The following ST6GALNAC5 variants were observed in gnomAD, a reference collection of about 807,000 sequenced individuals.
ST6GALNAC5 encodes the protein ST6 N-acetylgalactosaminide alpha-2,6-sialyltransferase 5.
ST6GALNAC5 carries 27 observed loss-of-function variants against 33.6 expected under a neutral mutation model. The observed-to-expected ratio is 0.80, with a 90% CI of 0.59 to 1.11. The LOEUF is 1.11. Among genes scored for constraint, ST6GALNAC5 ranks in the 50% least tolerant of loss-of-function variants. The pLI, the probability that ST6GALNAC5 is intolerant of heterozygous loss-of-function variation, is 0.00. For missense variants in ST6GALNAC5, 428 were observed against 454.0 expected (o/e 0.94, Z 0.52); for synonymous variants, 194 against 171.2 (o/e 1.13, Z -1.04).
At chr1:76,930,786 A>G (rs1647132495) in intron 2 of ST6GALNAC5, among the ~76,000 whole-genome samples, 1 of 152,152 alleles carries the variant, frequency 6.6e-6, no homozygotes, top group South Asian at 2.1e-4. Flanking sequence ...CCATGTATTC[A>G]TGTATTCATT....
chr1:76,985,174 G>A (rs1649435579), intron 2 of ST6GALNAC5, among the ~76,000 whole-genome samples: 1 of 152,136 alleles, frequency 6.6e-6, no homozygotes, highest in Non-Finnish European at 1.5e-5. Context: ...AGGCAATCAG[G>A]CAAGAGAAAG....
chr1:77,038,615 T>A (rs575815176), intron 2 of ST6GALNAC5, among the ~76,000 whole-genome samples: 1 of 152,236 alleles, frequency 6.6e-6, no homozygotes, highest in African/African-American at 2.4e-5. Context: ...CTGAGTGTTT[T>A]AGGTGTCAAG....
At chr1:76,986,121 CA>C in intron 2 of ST6GALNAC5, among the ~76,000 whole-genome samples, 1 of 152,174 alleles carries the variant, frequency 6.6e-6, no homozygotes, top group Admixed American at 6.6e-5. Context: ...ACTAAAACAC[CA>C]AAAGTGATGG....
At chr1:77,017,033 A>C (rs920283361) in intron 2 of ST6GALNAC5, among the ~76,000 whole-genome samples, 1 of 151,874 alleles carries the variant, frequency 6.6e-6, no homozygotes, top group Non-Finnish European at 1.5e-5. Context: ...TTGAACCAAA[A>C]GAGAGGGGGC....
At chr1:77,049,419 C>T (rs1652143162) in intron 3 of ST6GALNAC5, among the ~76,000 whole-genome samples, 1 of 152,052 alleles carries the variant, frequency 6.6e-6, no homozygotes, top group South Asian at 2.1e-4. Flanking sequence ...AATTAATATC[C>T]ACAGTAGTGT....
chr1:77,033,793 C>T (rs1241998923), intron 2 of ST6GALNAC5, among the ~76,000 whole-genome samples: 2 of 151,956 alleles, frequency 1.3e-5, no homozygotes, highest in Admixed American at 6.6e-5. Flanking sequence ...TCAGCCAGGC[C>T]GGAGAATAGA....
At chr1:76,996,380 C>G (rs187270545) in intron 2 of ST6GALNAC5, among the ~76,000 whole-genome samples, 1 of 151,648 alleles carries the variant, frequency 6.6e-6, no homozygotes, top group Non-Finnish European at 1.5e-5. Flanking sequence ...ACTTCCAGGA[C>G]GCAAACAAGA....
Position 76,868,784 on chromosome 1 carries a change from G to C in ST6GALNAC5, c.261+42G>C. On this transcript the variant is annotated intron_variant, in intron 2 of 4. Transcript: ENST00000477717. The surrounding 1 kb of genome is among the most constrained non-coding windows in gnomAD (Gnocchi z 4.3). Reference sequence around the variant, plus strand: ...CAGCCCGCTCGCCACTCAGCCTGGGGATCCCGCACACCTGAGCCTTCCCCC... The same window carrying C: ...CAGCCCGCTCGCCACTCAGCCTGGGCATCCCGCACACCTGAGCCTTCCCCC... The C allele has an allele frequency of 6.9e-7, 1 of 1,459,258 alleles. No individual in the cohort carries two copies. Among genetic ancestry groups the C allele is most frequent in the Non-Finnish European group, 9.0e-7 (1 of 1,112,120 alleles). The allele number at this position is 1,459,258 out of a possible 1,614,324, so 90.4% of individuals were successfully genotyped here. A position where few individuals can be genotyped will look rare whatever the true frequency, so the allele number is the denominator to read the frequency against.
chr1:76,980,746 A>G (rs1410016083), intron 2 of ST6GALNAC5, among the ~76,000 whole-genome samples: 1 of 152,224 alleles, frequency 6.6e-6, no homozygotes, highest in Admixed American at 6.5e-5. Flanking sequence ...AGCTAAATGT[A>G]AGAAATAGCA....
intron 2 of ST6GALNAC5, among the ~76,000 whole-genome samples, chr1:77,034,743 G>A (rs1339832973): frequency 6.6e-6 from 1 of 152,218 alleles, no homozygotes; most frequent in Admixed American, 6.5e-5. Flanking sequence ...AGGGCAGCAT[G>A]TCAAACAAGG....
intron 2 of ST6GALNAC5, among the ~76,000 whole-genome samples, chr1:76,989,314 A>C (rs1649630378): frequency 6.6e-6 from 1 of 150,744 alleles, no homozygotes; most frequent in Non-Finnish European, 1.5e-5. Context: ...ACCTTTCCTT[A>C]GTTGTGCAAG....
intron 4 of ST6GALNAC5, among the ~76,000 whole-genome samples, chr1:77,054,791 T>C (rs1007469707): frequency 6.6e-6 from 1 of 152,142 alleles, no homozygotes; most frequent in African/African-American, 2.4e-5. Context: ...CCTGAGTTAC[T>C]TCTAGGAGTC....
intron 2 of ST6GALNAC5, among the ~76,000 whole-genome samples, chr1:77,003,583 G>A (rs202217409): frequency 2.0e-5 from 3 of 151,934 alleles, no homozygotes; most frequent in East Asian, 3.9e-4. Context: ...TTTCTTCCTA[G>A]TCTCGATGGT....
intron 2 of ST6GALNAC5, among the ~76,000 whole-genome samples, chr1:76,884,719 A>C (rs1323069208): frequency 1.3e-5 from 2 of 152,184 alleles, no homozygotes; most frequent in East Asian, 3.9e-4. Flanking sequence ...AAGGCAAGAA[A>C]GGGTGGTTTG....
chr1:76,889,762 G>A (rs1330377901), intron 2 of ST6GALNAC5, among the ~76,000 whole-genome samples: 1 of 152,054 alleles, frequency 6.6e-6, no homozygotes, highest in African/African-American at 2.4e-5. Flanking sequence ...CTATTCAGCT[G>A]TATCTAATCT....
rs181892095 is a variant in ST6GALNAC5, at chr1:77,019,339, G to A, written c.262-24865G>A. Reference sequence around the variant, plus strand: ...GTCATCACTGTGGAAGTGCCTGGTAGAACAGGTGACATTGGGCAAGAGAAA... The same window carrying A: ...GTCATCACTGTGGAAGTGCCTGGTAAAACAGGTGACATTGGGCAAGAGAAA... On this transcript the variant is annotated intron_variant, in intron 2 of 4. Transcript: ENST00000477717. Among the ~76,000 whole-genome samples the A allele has an allele frequency of 3.8e-3, 577 of 152,334 alleles. 3 individuals carry two copies. The highest frequency in any genetic ancestry group is 0.013 in the African/African-American group (532 of 41,580).
intron 2 of ST6GALNAC5, among the ~76,000 whole-genome samples, chr1:76,996,277 T>G (rs995650470): frequency 5.9e-5 from 9 of 152,180 alleles, no homozygotes; most frequent in Non-Finnish European, 1.2e-4. Flanking sequence ...GTATCAGAGT[T>G]TGTGACTCTG....
chr1:77,004,264 T>G (rs1213940132), intron 2 of ST6GALNAC5, among the ~76,000 whole-genome samples: 2 of 150,708 alleles, frequency 1.3e-5, no homozygotes, highest in Non-Finnish European at 3.0e-5. Context: ...GCTGATACCC[T>G]TTCTTCCAGT....
Position 76,923,649 on chromosome 1 carries a change from C to T in ST6GALNAC5, c.261+54907C>T, listed in dbSNP as rs191024484. 3.3e-3 allele frequency among the ~76,000 whole-genome samples: 505 copies of T among 152,052 alleles called. 4 individuals carry two copies. Among genetic ancestry groups the T allele is most frequent in the African/African-American group, 0.011 (466 of 41,428 alleles). Reference sequence around the variant, plus strand: ...CAGAGATTACAGTGAGCTGAGATTACACCGCTGCACTCCAGCCTGGGAGAG... The same window carrying T: ...CAGAGATTACAGTGAGCTGAGATTATACCGCTGCACTCCAGCCTGGGAGAG... On this transcript the variant is annotated intron_variant, in intron 2 of 4. Transcript: ENST00000477717.
Sources: allele counts gnomAD v4.1 joint callset (sites outside exome capture counted in the v4.1 genomes callset), GRCh38; gene constraint gnomAD v4.1.1; non-coding constraint Gnocchi (gnomAD v3.1); transcripts MANE v1.5; gene names NCBI Gene and HGNC (gene_info 2026-07-23, HGNC 2026-07-21).